The following RBPMS variants were observed in gnomAD, a reference collection of about 807,000 sequenced individuals.
RBPMS encodes RNA-binding protein with multiple splicing.
A neutral mutation model predicts 26.8 loss-of-function variants in RBPMS; 7 were observed. That is an observed-to-expected ratio of 0.26 (90% CI 0.15 to 0.49). The LOEUF is 0.49. Ranked by LOEUF, RBPMS falls within the 20% of genes least tolerant of loss-of-function variation. The probability of loss-of-function intolerance (pLI) is 0.98; values close to 1 mark genes in which losing one functional copy is unlikely to be tolerated. For synonymous variants in RBPMS, 96 were observed against 93.3 expected (o/e 1.03, Z -0.17); for missense variants, 186 against 250.0 (o/e 0.74, Z 1.73).
intron 4 of RBPMS, among the ~76,000 whole-genome samples, chr8:30,495,754 A>G (rs1819873620): frequency 6.6e-6 from 1 of 152,346 alleles, no homozygotes; most frequent in East Asian, 1.9e-4. Flanking sequence ...AATACGGTTT[A>G]CATCTGACGG....
intron 5 of RBPMS, among the ~76,000 whole-genome samples, chr8:30,539,706 A>G (rs1034454528): frequency 4.0e-5 from 6 of 151,632 alleles, no homozygotes; most frequent in Middle Eastern, 3.4e-3. Context: ...GCTCACTGCA[A>G]TCTGCACCTC....
chr8:30,416,523 C>T (rs1052305219), intron 1 of RBPMS, among the ~76,000 whole-genome samples: 2 of 152,078 alleles, frequency 1.3e-5, no homozygotes, highest in Non-Finnish European at 2.9e-5. Flanking sequence ...CGCTCTGTTG[C>T]CCAGGCTGGA....
chr8:30,557,975 C>T (rs1442902321), intron 6 of RBPMS, among the ~76,000 whole-genome samples: 6 of 152,206 alleles, frequency 3.9e-5, no homozygotes, highest in Non-Finnish European at 8.8e-5. Flanking sequence ...AGCGATTCTC[C>T]TGCCTCAGCC....
intron 5 of RBPMS, among the ~76,000 whole-genome samples, chr8:30,536,354 C>T (rs1372959849): frequency 7.9e-5 from 12 of 152,010 alleles, no homozygotes; most frequent in African/African-American, 2.7e-4. Flanking sequence ...CTCGAACTCC[C>T]GACCTCAGGT....
intron 4 of RBPMS, among the ~76,000 whole-genome samples, chr8:30,494,975 CA>C (rs1819775351): frequency 1.3e-5 from 2 of 152,110 alleles, no homozygotes; most frequent in South Asian, 4.1e-4. Context: ...AAAGTGAAGC[CA>C]AATGTACATT....
intron 5 of RBPMS, among the ~76,000 whole-genome samples, chr8:30,544,251 C>T (rs1462817822): frequency 6.6e-6 from 1 of 152,204 alleles, no homozygotes; most frequent in Admixed American, 6.5e-5. Flanking sequence ...AGGCGGAGTC[C>T]AGGCCTGAGA....
intron 2 of RBPMS, among the ~76,000 whole-genome samples, chr8:30,475,781 A>G (rs1275504933): frequency 6.6e-6 from 1 of 152,216 alleles, no homozygotes; most frequent in Admixed American, 6.5e-5. Flanking sequence ...CAACAAAGAT[A>G]AAACAGTCTA....
At chr8:30,437,048 G>A (rs1461318781) in intron 1 of RBPMS, among the ~76,000 whole-genome samples, 2 of 150,258 alleles carry the variant, frequency 1.3e-5, no homozygotes, top group African/African-American at 2.5e-5. Flanking sequence ...TCAGCCTCCC[G>A]AGTAGCTGGG....
intron 1 of RBPMS, among the ~76,000 whole-genome samples, chr8:30,468,670 A>G (rs187683235): frequency 3.3e-5 from 5 of 152,318 alleles, no homozygotes; most frequent in Admixed American, 6.5e-5. Context: ...CTCTGTGCCT[A>G]GGACTGTGTT....
At chr8:30,388,965 T>A (rs1196307025) in intron 1 of RBPMS, among the ~76,000 whole-genome samples, 1 of 152,212 alleles carries the variant, frequency 6.6e-6, no homozygotes, top group Non-Finnish European at 1.5e-5. Context: ...TTACTTTGCA[T>A]TCCTTCTTTT....
chr8:30,542,837 C>T (rs1360377571), intron 5 of RBPMS, among the ~76,000 whole-genome samples: 3 of 152,232 alleles, frequency 2.0e-5, no homozygotes, highest in African/African-American at 7.2e-5. Flanking sequence ...TATTAAGCCC[C>T]TCCCAGCCCC....
chr8:30,442,455 A>G (rs1407975958), intron 1 of RBPMS, among the ~76,000 whole-genome samples: 1 of 152,096 alleles, frequency 6.6e-6, no homozygotes, highest in Non-Finnish European at 1.5e-5. Context: ...TGGCAACTCC[A>G]GAATGTGGGT....
At chr8:30,530,588 G>C (rs969980337) in intron 5 of RBPMS, among the ~76,000 whole-genome samples, 2 of 152,080 alleles carry the variant, frequency 1.3e-5, no homozygotes, top group East Asian at 1.9e-4. Context: ...TCAGCCTCTC[G>C]AGTAGCTGGG....
chr8:30,430,077 G>GA (rs1268588876), intron 1 of RBPMS, among the ~76,000 whole-genome samples: 1 of 152,080 alleles, frequency 6.6e-6, no homozygotes, highest in Non-Finnish European at 1.5e-5. Flanking sequence ...AGGAGTTTGA[G>GA]ACCAGCCTGG....
chr8:30,421,115 G>A (rs550744065), intron 1 of RBPMS, among the ~76,000 whole-genome samples: 49 of 152,286 alleles, frequency 3.2e-4, no homozygotes, highest in African/African-American at 1.2e-3. Context: ...GAATTTGTAT[G>A]TAATTACTCT....
At chr8:30,491,692 C>T (rs1450200605) in intron 4 of RBPMS, among the ~76,000 whole-genome samples, 1 of 151,848 alleles carries the variant, frequency 6.6e-6, no homozygotes, top group African/African-American at 2.4e-5. Flanking sequence ...TTTTCTTCTG[C>T]ACCAGCCACT....
At chr8:30,487,203 A>T (rs769321636) in intron 4 of RBPMS, among the ~76,000 whole-genome samples, 3 of 151,918 alleles carry the variant, frequency 2.0e-5, no homozygotes, top group Non-Finnish European at 4.4e-5. Context: ...GCAGGGCAGC[A>T]CATTTTGGCA....
At chr8:30,455,065 C>T (rs528407235) in intron 1 of RBPMS, among the ~76,000 whole-genome samples, 153 of 152,316 alleles carry the variant, frequency 1.0e-3, no homozygotes, top group Admixed American at 2.4e-3. Context: ...TCAAGTGATC[C>T]GCCTGCCTTG....
At chr8:30,448,508 C>G (rs909954791) in intron 1 of RBPMS, among the ~76,000 whole-genome samples, 3 of 152,170 alleles carry the variant, frequency 2.0e-5, no homozygotes, top group African/African-American at 7.2e-5. Flanking sequence ...AAATTCAAGT[C>G]AAGGCATGTT....
Sources: allele counts gnomAD v4.1 joint callset (sites outside exome capture counted in the v4.1 genomes callset), GRCh38; gene constraint gnomAD v4.1.1; transcripts MANE v1.5; gene names NCBI Gene and HGNC (gene_info 2026-07-23, HGNC 2026-07-21).